DAB1: variants seen among roughly 807,000 people sequenced by gnomAD.
DAB1 encodes DAB adaptor protein 1.
DAB1 carries 15 observed loss-of-function variants against 64.6 expected under a neutral mutation model. That is an observed-to-expected ratio of 0.23 (90% CI 0.16 to 0.36). The LOEUF is 0.36. Ranked by LOEUF, DAB1 falls within the 10% of genes least tolerant of loss-of-function variation. The pLI, the probability that DAB1 is intolerant of heterozygous loss-of-function variation, is 1.00. For synonymous variants in DAB1, 235 were observed against 251.9 expected, an observed-to-expected ratio of 0.93 and a Z score of 0.64; for missense variants, 596 against 706.7, an observed-to-expected ratio of 0.84 and a Z score of 1.78.
intron 1 of DAB1, among the ~76,000 whole-genome samples, chr1:58,535,970 G>A (rs1646510196): frequency 6.9e-6 from 1 of 144,218 alleles, no homozygotes; most frequent in Non-Finnish European, 1.5e-5. Flanking sequence ...TACATACTGT[G>A]TTAGTATTTA....
At chr1:58,119,781 T>C (rs570151884) in intron 5 of DAB1, among the ~76,000 whole-genome samples, 2 of 152,304 alleles carry the variant, frequency 1.3e-5, no homozygotes, top group Non-Finnish European at 2.9e-5. Flanking sequence ...TTTCCAGTCA[T>C]TGCTTTATGA....
At chr1:57,064,139 C>T (rs933359899) in intron 8 of DAB1, among the ~76,000 whole-genome samples, 1 of 152,198 alleles carries the variant, frequency 6.6e-6, no homozygotes, top group Non-Finnish European at 1.5e-5. Flanking sequence ...GCTAACTACA[C>T]CATTGTTCTA....
intron 5 of DAB1, among the ~76,000 whole-genome samples, chr1:58,076,669 A>T (rs970234047): frequency 1.8e-4 from 28 of 152,240 alleles, no homozygotes; most frequent in African/African-American, 6.3e-4. Flanking sequence ...TAAATCTAGC[A>T]GTCTTTCCAG....
At chr1:57,476,097 A>C (rs1643932069) in intron 7 of DAB1, among the ~76,000 whole-genome samples, 1 of 151,864 alleles carries the variant, frequency 6.6e-6, no homozygotes, top group South Asian at 2.1e-4. Context: ...ATGGTGGCGC[A>C]CGCCTGTAGT....
intron 2 of DAB1, among the ~76,000 whole-genome samples, chr1:57,246,404 T>A (rs1188027164): frequency 6.6e-6 from 1 of 152,220 alleles, no homozygotes; most frequent in Non-Finnish European, 1.5e-5. Context: ...GCACCTTCCA[T>A]GTGGTGTTGA....
intron 1 of DAB1, chr1:58,539,190 T>A (rs745840562): frequency 2.3e-6 from 2 of 872,824 alleles, no homozygotes; most frequent in East Asian, 2.4e-5. Context: ...GACAGCCCCG[T>A]GAGGTGGATG....
intron 4 of DAB1, among the ~76,000 whole-genome samples, chr1:58,159,402 T>C (rs1301948901): frequency 6.6e-6 from 1 of 152,168 alleles, no homozygotes; most frequent in Non-Finnish European, 1.5e-5. Context: ...TATTCCTATA[T>C]ATGAGGCCCA....
intron 7 of DAB1, among the ~76,000 whole-genome samples, chr1:57,589,925 TAG>T (rs1645424106): frequency 6.6e-6 from 1 of 152,128 alleles, no homozygotes; most frequent in South Asian, 2.1e-4. Flanking sequence ...AGGAGATAAA[TAG>T]ACCCTCTTAG....
chr1:57,566,091 C>T (rs901562574), intron 7 of DAB1, among the ~76,000 whole-genome samples: 1 of 152,216 alleles, frequency 6.6e-6, no homozygotes, highest in Non-Finnish European at 1.5e-5. Flanking sequence ...GACCACACTG[C>T]AATCAAACTA....
chr1:57,565,681 C>G (rs527352235), intron 7 of DAB1, among the ~76,000 whole-genome samples: 1 of 152,066 alleles, frequency 6.6e-6, no homozygotes, highest in Admixed American at 6.5e-5. Flanking sequence ...ACAAAGAAGG[C>G]CATTACATAA....
chr1:58,240,202 A>C (rs1236772010), intron 4 of DAB1, among the ~76,000 whole-genome samples: 1 of 152,222 alleles, frequency 6.6e-6, no homozygotes, highest in Admixed American at 6.5e-5. Context: ...ATCCAGAATA[A>C]GTACAATATT....
chr1:57,978,575 T>C (rs577192256), intron 5 of DAB1, among the ~76,000 whole-genome samples: 1 of 152,260 alleles, frequency 6.6e-6, no homozygotes, highest in Admixed American at 6.5e-5. Context: ...TGGGATCTAA[T>C]TAAACTAAAC....
At chr1:58,094,095 A>G (rs775989058) in intron 5 of DAB1, among the ~76,000 whole-genome samples, 2 of 151,922 alleles carry the variant, frequency 1.3e-5, no homozygotes, top group Admixed American at 6.6e-5. Flanking sequence ...CCATGGCTAG[A>G]CCCTCTACTG....
intron 1 of DAB1, among the ~76,000 whole-genome samples, chr1:57,390,265 C>T (rs1682237529): frequency 6.6e-6 from 1 of 152,170 alleles, no homozygotes; most frequent in Non-Finnish European, 1.5e-5. Context: ...CAAGTTCCAT[C>T]TATAATATTC....
chr1:58,409,988 C>G (rs1435201340), intron 3 of DAB1, among the ~76,000 whole-genome samples: 2 of 152,268 alleles, frequency 1.3e-5, no homozygotes, highest in East Asian at 3.9e-4. Context: ...AGAACCTGTA[C>G]TTCCCCACAC....
At chr1:57,006,012 T>C (rs1646053329) in intron 14 of DAB1, among the ~76,000 whole-genome samples, 4 of 152,246 alleles carry the variant, frequency 2.6e-5, no homozygotes, top group Non-Finnish European at 5.9e-5. Flanking sequence ...CCTGTGTTTG[T>C]AAATAAAGTC....
At chr1:57,830,626 G>A (rs934143458) in intron 1 of DAB1, among the ~76,000 whole-genome samples, 1 of 152,070 alleles carries the variant, frequency 6.6e-6, no homozygotes, top group Non-Finnish European at 1.5e-5. Context: ...GGAAAGAATT[G>A]ACACACAGGC....
intron 3 of DAB1, among the ~76,000 whole-genome samples, chr1:58,463,004 A>G (rs1569833100): frequency 1.3e-5 from 2 of 152,380 alleles, no homozygotes; most frequent in South Asian, 2.1e-4. Flanking sequence ...TGTAAGACTC[A>G]AATGAAATGG....
At chr1:57,741,622 T>A (rs1195024697) in intron 6 of DAB1, among the ~76,000 whole-genome samples, 1 of 152,118 alleles carries the variant, frequency 6.6e-6, no homozygotes, top group African/African-American at 2.4e-5. Flanking sequence ...GTGAAGGGAG[T>A]GAAAGCAGAC....
Sources: gnomAD v4.1 joint callset for allele counts (sites outside exome capture counted in the v4.1 genomes callset) on GRCh38, gnomAD v4.1.1 for gene constraint, MANE v1.5 for transcripts, NCBI Gene and HGNC (gene_info 2026-07-23, HGNC 2026-07-21) for gene names.